CDC42BPB: variants seen among roughly 807,000 people sequenced by gnomAD.
The protein encoded by CDC42BPB is serine/threonine-protein kinase MRCK beta.
CDC42BPB carries 37 observed loss-of-function variants against 214.9 expected under a neutral mutation model. The observed-to-expected ratio is 0.17, with a 90% CI of 0.13 to 0.23. The LOEUF (loss-of-function observed/expected upper bound fraction) is 0.23. Among genes scored for constraint, CDC42BPB ranks in the 10% least tolerant of loss-of-function variants. The probability of loss-of-function intolerance (pLI) is 1.00; values close to 1 mark genes in which losing one functional copy is unlikely to be tolerated. For synonymous variants in CDC42BPB, 931 were observed against 884.0 expected, an observed-to-expected ratio of 1.05 and a Z score of -0.94; for missense variants, 1,694 against 2,227.0, an observed-to-expected ratio of 0.76 and a Z score of 4.82.
At chr14:103,056,671 CG>C (rs546172040) in intron 1 of CDC42BPB, among the ~76,000 whole-genome samples, 1 of 4,248 alleles carries the variant, frequency 2.4e-4, no homozygotes, top group Non-Finnish European at 4.6e-4. Flanking sequence ...GAGGGCCCGG[CG>C]GGGGGGAGGG....
intron 1 of CDC42BPB, among the ~76,000 whole-genome samples, chr14:103,025,135 T>A (rs765814137): frequency 2.6e-5 from 4 of 152,200 alleles, no homozygotes; most frequent in African/African-American, 9.7e-5. Flanking sequence ...TTCTGAAGAA[T>A]TGACAGTCCA....
In CDC42BPB at chr14:102,980,526, C is replaced by T. The variant is rs556516751; in HGVS notation, c.1140+247G>A. On this transcript the variant is annotated intron_variant, in intron 8 of 36. Transcript: ENST00000361246. ...GTATCAAGTACTGTGAAAATAAAAGCAAAAGTATTTCTGTTGAGTTGCAAA... is the reference window on the plus strand; with the variant it reads ...GTATCAAGTACTGTGAAAATAAAAGTAAAAGTATTTCTGTTGAGTTGCAAA... Among the ~76,000 whole-genome samples the T allele has an allele frequency of 2.6e-5, 4 of 151,948 alleles. No homozygotes were observed. In the East Asian group the frequency reaches 7.7e-4, roughly 29 times the overall value.
At chr14:102,991,745 C>G (rs11160709) in intron 5 of CDC42BPB, among the ~76,000 whole-genome samples, 22 of 152,116 alleles carry the variant, frequency 1.4e-4, no homozygotes, top group Non-Finnish European at 2.2e-4. Flanking sequence ...CTTTTTGTAC[C>G]GTTCTTGCAA....
At chr14:103,030,139 G>A (rs531872115) in intron 1 of CDC42BPB, among the ~76,000 whole-genome samples, 1 of 152,340 alleles carries the variant, frequency 6.6e-6, no homozygotes, top group Admixed American at 6.5e-5. Flanking sequence ...GAGAAGCGTG[G>A]AGCGGCCAGC....
At position 102,939,718 on chromosome 14, in the gene CDC42BPB, A is replaced by C. The variant is rs150003464; in HGVS notation, c.4719T>G (p.Leu1573=). Residue 1573 remains leucine, a synonymous_variant, in exon 34 of 37, where the codon CTT becomes CTG. Transcript: ENST00000361246. The part of the protein sequence containing the change: ...EERLQQRREM[L]RDPELRSKMI... The stretch of plus-strand genomic sequence containing the variant: ...TTTTGGATCTCAATTCTGGGTCTCT[A>C]AGCATCTCTCTGGGGAAAGGACACA... 2,875 of 1,614,126 alleles carry C rather than the reference A, an allele frequency of 1.8e-3. 7 individuals are homozygous for C. Among genetic ancestry groups the C allele is most frequent in the Non-Finnish European group, 2.3e-3 (2,713 of 1,179,996 alleles).
chr14:102,984,693 G>A (rs979709050), intron 6 of CDC42BPB, among the ~76,000 whole-genome samples: 1 of 151,938 alleles, frequency 6.6e-6, no homozygotes, highest in Non-Finnish European at 1.5e-5. Context: ...CATCCTGACG[G>A]GCTGAGTCTC....
At chr14:102,955,680 A>C (rs942496465) in intron 21 of CDC42BPB, among the ~76,000 whole-genome samples, 1 of 152,232 alleles carries the variant, frequency 6.6e-6, no homozygotes, top group African/African-American at 2.4e-5. Flanking sequence ...GTATTCCTGA[A>C]ACTAATAGTT....
chr14:102,935,512 G>GTAC (rs1230515272), intron 36 of CDC42BPB, among the ~76,000 whole-genome samples: 4 of 152,300 alleles, frequency 2.6e-5, no homozygotes, highest in African/African-American at 7.2e-5. Flanking sequence ...GTACTAGGCC[G>GTAC]GGTATAGTGC....
At chr14:102,966,249 G>A in intron 18 of CDC42BPB, 33 bp downstream of exon 18, 1 of 1,442,114 alleles carries the variant, frequency 6.9e-7, no homozygotes, top group Non-Finnish European at 9.8e-7. Context: ...GAATTATTCA[G>A]TAATAGAAAT....
At chr14:102,977,733 T>C (rs1247313729) in intron 9 of CDC42BPB, among the ~76,000 whole-genome samples, 1 of 152,186 alleles carries the variant, frequency 6.6e-6, no homozygotes, top group Non-Finnish European at 1.5e-5. Flanking sequence ...TGGTCAGGGG[T>C]TGGCAAACTA....
At chr14:103,026,454 G>T (rs1172267685) in intron 1 of CDC42BPB, among the ~76,000 whole-genome samples, 2 of 152,068 alleles carry the variant, frequency 1.3e-5, no homozygotes, top group Non-Finnish European at 2.9e-5. Flanking sequence ...TTAGGCAATG[G>T]ATTCTTACAG....
intron 5 of CDC42BPB, among the ~76,000 whole-genome samples, chr14:102,998,774 A>T (rs1196157235): frequency 6.6e-6 from 1 of 152,196 alleles, no homozygotes; most frequent in Non-Finnish European, 1.5e-5. Context: ...TTCAGGGGTC[A>T]GCACGGCACA....
chr14:102,947,689 C>T lies in CDC42BPB; in HGVS notation c.3531+32G>A, dbSNP rs76091444. 2.2e-4 allele frequency: 340 copies of T among 1,552,752 alleles called. 3 individuals are homozygous for T. In the East Asian group the frequency reaches 7.5e-3, roughly 34 times the overall value. ...TAGAACAATCAGTTTTAACCATGTG[C>T]TTTGTTAAAAAGATTAATGAAAAAT... is the stretch of plus-strand genomic sequence containing the variant. On this transcript the variant is annotated intron_variant, in intron 27 of 36. Transcript: ENST00000361246.
chr14:102,954,151 C>T (rs1304614975), intron 23 of CDC42BPB, 47 bp downstream of exon 23: 1 of 1,203,424 alleles, frequency 8.3e-7, no homozygotes, highest in East Asian at 2.5e-5. Context: ...AATAAATAAA[C>T]AACTAAATAA....
chr14:102,961,145 C>T (rs1892938309), intron 20 of CDC42BPB, among the ~76,000 whole-genome samples: 1 of 150,956 alleles, frequency 6.6e-6, no homozygotes, highest in Non-Finnish European at 1.5e-5. Context: ...CCAGCCTGGG[C>T]AACAGAGCAA....
chr14:102,977,109 A>T (rs993964803), intron 9 of CDC42BPB, among the ~76,000 whole-genome samples: 19 of 152,198 alleles, frequency 1.2e-4, no homozygotes, highest in African/African-American at 4.3e-4. Context: ...TGGGAGGCCG[A>T]GGCGGGGAGA....
chr14:102,988,545 A>C (rs997521014), intron 5 of CDC42BPB, among the ~76,000 whole-genome samples: 1 of 152,190 alleles, frequency 6.6e-6, no homozygotes, highest in African/African-American at 2.4e-5. Flanking sequence ...AACACACTAC[A>C]CAGCCTCCCT....
chr14:102,958,870 G>A (rs942385682), intron 21 of CDC42BPB, among the ~76,000 whole-genome samples: 1 of 151,674 alleles, frequency 6.6e-6, no homozygotes, highest in Non-Finnish European at 1.5e-5. Flanking sequence ...ATAGGGTCTC[G>A]CTATATTGCC....
rs1566889379 is a variant in CDC42BPB at position 102,995,176 on chromosome 14, TC to T, written c.596+4388del. 3.1e-3 allele frequency among the ~76,000 whole-genome samples: 464 copies of T among 152,120 alleles called. 2 individuals are homozygous for T. Among genetic ancestry groups the T allele is most frequent in the African/African-American group, 0.01 (433 of 41,490 alleles). On this transcript the variant is annotated intron_variant, in intron 5 of 36. Coordinates refer to ENST00000361246, the MANE Select transcript of CDC42BPB (RefSeq NM_006035.4). ...TTAGGGATGTGATGTTCTCTCTCTC[TC>T]TCTTTTTTTTTTTTGAGACAGAGTA... is the stretch of plus-strand genomic sequence containing the variant.
Sources: allele counts gnomAD v4.1 joint callset (sites outside exome capture counted in the v4.1 genomes callset), GRCh38; gene constraint gnomAD v4.1.1; transcripts MANE v1.5; gene names NCBI Gene and HGNC (gene_info 2026-07-23, HGNC 2026-07-21).